Variants in BANK1 observed in about 807,000 individuals in gnomAD.
BANK1 encodes B-cell scaffold protein with ankyrin repeats.
In BANK1, 95 loss-of-function variants were observed where a neutral mutation model predicts 94.5. The observed-to-expected ratio is 1.00, with a 90% CI of 0.85 to 1.19. The LOEUF (loss-of-function observed/expected upper bound fraction) is 1.19, where lower values mean the gene tolerates loss of function less well. Ranked by LOEUF, BANK1 falls within the 50% of genes most tolerant of loss-of-function variation. The pLI, the probability that BANK1 is intolerant of heterozygous loss-of-function variation, is 0.00. For synonymous variants in BANK1, 334 were observed against 308.4 expected (o/e 1.08, Z -0.87); for missense variants, 987 against 932.2 (o/e 1.06, Z -0.77).
chr4:101,895,039 TAA>T (rs929135178), intron 5 of BANK1, among the ~76,000 whole-genome samples: 24 of 151,778 alleles, frequency 1.6e-4, no homozygotes, highest in African/African-American at 5.8e-4. Context: ...TTATAAAATA[TAA>T]AGTTATATTT....
At chr4:102,026,155 G>C (rs901520839) in intron 9 of BANK1, among the ~76,000 whole-genome samples, 1 of 152,134 alleles carries the variant, frequency 6.6e-6, no homozygotes, top group Non-Finnish European at 1.5e-5. Context: ...GTGGAAAGTG[G>C]GTGTGGGGAA....
intron 7 of BANK1, among the ~76,000 whole-genome samples, chr4:101,920,912 G>A (rs555690779): frequency 1.1e-4 from 16 of 151,734 alleles, no homozygotes; most frequent in Non-Finnish European, 1.9e-4. Context: ...CTTATTGTTA[G>A]GTATATGAAG....
chr4:101,911,424 C>T (rs1722660444), intron 6 of BANK1, among the ~76,000 whole-genome samples: 2 of 152,112 alleles, frequency 1.3e-5, no homozygotes. Flanking sequence ...ATCCTAGAAA[C>T]ATTGTAATTT....
chr4:101,845,376 A>G (rs1011100438), intron 2 of BANK1, among the ~76,000 whole-genome samples: 1 of 152,188 alleles, frequency 6.6e-6, no homozygotes, highest in African/African-American at 2.4e-5. Flanking sequence ...AATATTCCTA[A>G]ATATATCAGA....
Position 101,918,648 on chromosome 4 carries a change from A to G in BANK1, c.1206+459A>G, listed in dbSNP as rs532489296. Among the ~76,000 whole-genome samples, 13 of 152,086 alleles carry G rather than the reference A, an allele frequency of 8.5e-5. 1 individual carries two copies. Among genetic ancestry groups the G allele is most frequent in the Admixed American group, 3.3e-4 (5 of 15,238 alleles). ...TTCTGGTTGTAACAAAGATATGCAC[A>G]TTTTGCTCCAGAAAGTGAATTATAC... On this transcript the variant is annotated intron_variant, in intron 7 of 16. Transcript: ENST00000322953.
intron 7 of BANK1, among the ~76,000 whole-genome samples, chr4:101,991,120 C>T (rs1725692468): frequency 6.6e-6 from 1 of 152,136 alleles, no homozygotes; most frequent in South Asian, 2.1e-4. Context: ...TTACAATAGT[C>T]ATGTAACTCA....
intron 2 of BANK1, among the ~76,000 whole-genome samples, chr4:101,851,681 T>C (rs967369177): frequency 2.6e-5 from 4 of 152,178 alleles, no homozygotes; most frequent in Non-Finnish European, 5.9e-5. Context: ...CATTTAACCC[T>C]TGGAAAAAAA....
chr4:102,008,290 C>T (rs984733330), intron 7 of BANK1, among the ~76,000 whole-genome samples: 1 of 152,140 alleles, frequency 6.6e-6, no homozygotes. Flanking sequence ...AAGGCCAGTG[C>T]CTGCCTTGCT....
intron 5 of BANK1, among the ~76,000 whole-genome samples, chr4:101,877,484 CAT>C (rs1383922387): frequency 6.6e-6 from 1 of 152,104 alleles, no homozygotes; most frequent in Admixed American, 6.5e-5. Context: ...CTTTTTAAGA[CAT>C]AGTCTAATAA....
At position 101,924,591 on chromosome 4, in the gene BANK1, C is replaced by T. The variant is rs1038736929; in HGVS notation, c.1206+6402C>T. On this transcript the variant is annotated intron_variant, in intron 7 of 16. Transcript: ENST00000322953. Reference sequence around the variant, plus strand: ...ACAGCAGTATAATCATTTGGCGGTGCGTTGGGAAGGGGAGCAGGCATCACT... The same window carrying T: ...ACAGCAGTATAATCATTTGGCGGTGTGTTGGGAAGGGGAGCAGGCATCACT... Among the ~76,000 whole-genome samples the T allele has an allele frequency of 5.9e-5, 9 of 151,734 alleles. No individual in the cohort carries two copies. The South Asian group carries it at 1.0e-3, about 18-fold the overall frequency.
intron 7 of BANK1, among the ~76,000 whole-genome samples, chr4:102,010,638 C>A (rs971439842): frequency 6.6e-6 from 1 of 152,090 alleles, no homozygotes; most frequent in African/African-American, 2.4e-5. Context: ...GGTGATCCAT[C>A]CACTTTGGCC....
intron 7 of BANK1, among the ~76,000 whole-genome samples, chr4:101,989,733 T>G (rs1725638602): frequency 6.6e-6 from 1 of 152,124 alleles, no homozygotes; most frequent in African/African-American, 2.4e-5. Context: ...TCTGACATTT[T>G]CCTCATGATT....
rs766157887 is a variant in BANK1 at position 102,072,364 on chromosome 4, T to C, written c.2262T>C (p.Asn754=). The C allele has an allele frequency of 1.3e-5, 21 of 1,595,194 alleles. No individual in the cohort carries two copies. The Admixed American group carries it at 3.2e-4, about 24-fold the overall frequency. ...HHPGGKETAH[N]ENKFYNVHFS... ...TTCTAGGTAAGGAAACTGCCCACAA[T>C]GAAAATAAGTTTTATAATGTACACT... Residue 754 remains asparagine, a synonymous_variant, in exon 15 of 17, where the codon AAT becomes AAC. Coordinates refer to ENST00000322953, the MANE Select transcript of BANK1 (RefSeq NM_017935.5).
At chr4:102,028,906 G>GC (rs1727190787) in intron 9 of BANK1, among the ~76,000 whole-genome samples, 1 of 145,780 alleles carries the variant, frequency 6.9e-6, no homozygotes, top group Admixed American at 6.9e-5. Flanking sequence ...TTTTTTATTT[G>GC]TTTTTTTTTT....
chr4:102,027,670 G>GAAA (rs57958483), intron 9 of BANK1, among the ~76,000 whole-genome samples: 21 of 141,852 alleles, frequency 1.5e-4, no homozygotes, highest in African/African-American at 2.6e-4. Context: ...GTTACTGAAG[G>GAAA]AAAAAAAAAA....
chr4:101,887,830 G>A (rs1328507337), intron 5 of BANK1, among the ~76,000 whole-genome samples: 1 of 152,154 alleles, frequency 6.6e-6, no homozygotes, highest in South Asian at 2.1e-4. Context: ...AGAAAATTAA[G>A]TTGATAAAAG....
chr4:101,964,476 A>G (rs1254304408), intron 7 of BANK1, among the ~76,000 whole-genome samples: 3 of 152,116 alleles, frequency 2.0e-5, no homozygotes, highest in South Asian at 2.1e-4. Flanking sequence ...CTACTTTGGG[A>G]AAAAAAGTGT....
chr4:101,953,826 T>G (rs1243918975), intron 7 of BANK1, among the ~76,000 whole-genome samples: 1 of 152,162 alleles, frequency 6.6e-6, no homozygotes, highest in Non-Finnish European at 1.5e-5. Flanking sequence ...GTACATATAT[T>G]GCATATTGTG....
At chr4:101,884,964 A>G (rs1728798394) in intron 5 of BANK1, among the ~76,000 whole-genome samples, 1 of 152,136 alleles carries the variant, frequency 6.6e-6, no homozygotes, top group Admixed American at 6.5e-5. Flanking sequence ...GCTGGAGTGC[A>G]GTGGCGCGAT....
Sources: gnomAD v4.1 joint callset for allele counts (sites outside exome capture counted in the v4.1 genomes callset) on GRCh38, gnomAD v4.1.1 for gene constraint, MANE v1.5 for transcripts, NCBI Gene and HGNC (gene_info 2026-07-23, HGNC 2026-07-21) for gene names.